GRM4: variants seen among roughly 807,000 people sequenced by gnomAD.
GRM4 encodes metabotropic glutamate receptor 4.
A neutral mutation model predicts 81.7 loss-of-function variants in GRM4; 28 were observed. That is an observed-to-expected ratio of 0.34 (90% CI 0.25 to 0.47). GRM4 has a LOEUF of 0.47. GRM4 is among the 20% of genes least tolerant of loss of function. The pLI is 1.00. For synonymous variants in GRM4, 488 were observed against 528.8 expected (o/e 0.92, Z 1.06); for missense variants, 948 against 1,290.0 (o/e 0.73, Z 4.06).
At chr6:34,025,786 C>G (rs1037056455) in intron 10 of GRM4, among the ~76,000 whole-genome samples, 8 of 152,184 alleles carry the variant, frequency 5.3e-5, no homozygotes, top group African/African-American at 1.7e-4. Context: ...TTCTCAGAGC[C>G]GAGAGTCTCT....
chr6:34,040,623 C>T lies in GRM4; in HGVS notation c.1294G>A (p.Val432Met), dbSNP rs566158040. ...GGGTCCATGCGCGGGCAGAGCCCCA[C>T]GCGGCCGGGACACAGGTCACGGTGC... is the stretch of plus-strand genomic sequence containing the variant. The part of the protein sequence containing the change: ...AMHRDLCPGR[V>M]GLCPRMDPVD... The change falls in exon 7 of 11, where the codon GTG becomes ATG. Residue 432 changes from valine (V) to methionine (M), a missense_variant. Physicochemically the swap from Val to Met is conservative, Grantham distance 21 (BLOSUM62 1). Coordinates refer to ENST00000538487, the MANE Select transcript of GRM4 (RefSeq NM_000841.4). 71 of 1,614,028 alleles carry T rather than the reference C, an allele frequency of 4.4e-5. No homozygotes were observed. Among genetic ancestry groups the T allele is most frequent in the Non-Finnish European group, 5.8e-5 (68 of 1,180,000 alleles).
intron 9 of GRM4, among the ~76,000 whole-genome samples, chr6:34,032,861 G>C (rs1488601104): frequency 6.6e-6 from 1 of 152,144 alleles, no homozygotes; most frequent in East Asian, 1.9e-4. Flanking sequence ...CTGCTGGCAG[G>C]CAGCCAGGGG....
intron 3 of GRM4, chr6:34,091,611 C>T (rs1768219033): frequency 6.0e-6 from 3 of 498,144 alleles, no homozygotes; most frequent in South Asian, 5.4e-5. Context: ...GCGGCCGCCC[C>T]GCAGGCTCCT....
chr6:34,133,016 C>T lies in GRM4; in HGVS notation c.481G>A (p.Val161Ile). 6.2e-7 allele frequency: 1 copy of T among 1,612,174 alleles called. No individual in the cohort carries two copies. Among genetic ancestry groups the T allele is most frequent in the Non-Finnish European group, 8.5e-7 (1 of 1,178,984 alleles). ...VGVIGASGSS[V>I]SIMVANILRL... is the part of the protein sequence containing the mutation. ...AGGATGTTGGCCACCATGATGGAGACCGAGCTCCCTGAAGCACCGATGACA... is the reference window on the plus strand; with the variant it reads ...AGGATGTTGGCCACCATGATGGAGATCGAGCTCCCTGAAGCACCGATGACA... The change falls in exon 2 of 11, where the codon GTC becomes ATC. Residue 161 changes from valine to isoleucine, a missense_variant. Val to Ile is a conservative substitution (Grantham distance 29). Coordinates refer to ENST00000538487, the MANE Select transcript of GRM4 (RefSeq NM_000841.4). The surrounding 1 kb of genome is among the most constrained non-coding windows in gnomAD (Gnocchi z 6.5).
chr6:34,026,096 C>T (rs1204900592), intron 10 of GRM4, among the ~76,000 whole-genome samples: 2 of 152,178 alleles, frequency 1.3e-5, no homozygotes, highest in African/African-American at 4.8e-5. Context: ...AGCTGACAGT[C>T]CCCGTTTGTC....
chr6:34,035,868 T>C lies in GRM4; in HGVS notation c.2242A>G (p.Ile748Val). The C allele has an allele frequency of 6.2e-7, 1 of 1,610,786 alleles. No individual in the cohort carries two copies. Among genetic ancestry groups the C allele is most frequent in the Non-Finnish European group, 8.5e-7 (1 of 1,177,268 alleles). ...RFARGVLKCDISDLSLICLLG... is the reference protein window; with the variant it reads ...RFARGVLKCDVSDLSLICLLG... ...AGGCAGATGAGCGACAGGTCCGAGA[T>C]GTCACACTTGAGCACACCCCTGGCG... Residue 748 changes from isoleucine to valine, a missense_variant, in exon 9 of 11, where the codon ATC becomes GTC. By Grantham distance (29) the Ile-to-Val change is conservative. Transcript: ENST00000538487. The surrounding 1 kb of genome is among the most constrained non-coding windows in gnomAD (Gnocchi z 6.6).
rs2127468496 is a variant in GRM4 at position 34,070,511 on chromosome 6, G to GAGGGCCCAGTGTA, written c.737-8496_737-8484dup. Among the ~76,000 whole-genome samples the GAGGGCCCAGTGTA allele has an allele frequency of 6.6e-6, 1 of 152,152 alleles. No homozygotes were observed. The highest frequency in any genetic ancestry group is 2.1e-4 in the South Asian group (1 of 4,824). Reference sequence around the variant, plus strand: ...AAACTCCACCCGATAGGGCTAGTGTGAGGGCCCAGTGTAGTGGTGTTTGTG... The same window carrying GAGGGCCCAGTGTA: ...AAACTCCACCCGATAGGGCTAGTGTGAGGGCCCAGTGTAAGGGCCCAGTGTAGTGGTGTTTGTG... On this transcript the variant is annotated intron_variant, in intron 3 of 10. Coordinates refer to ENST00000538487, the MANE Select transcript of GRM4 (RefSeq NM_000841.4). This position sits in a 1 kb window ranked among gnomAD's most constrained non-coding sequence, Gnocchi z 4.6.
intron 2 of GRM4, among the ~76,000 whole-genome samples, chr6:34,102,941 C>T (rs1768915921): frequency 6.6e-6 from 1 of 152,240 alleles, no homozygotes; most frequent in African/African-American, 2.4e-5. Context: ...AAGCCAGTGG[C>T]GTCACTCTGC....
At chr6:34,085,608 G>A (rs1767842233) in intron 3 of GRM4, among the ~76,000 whole-genome samples, 1 of 152,210 alleles carries the variant, frequency 6.6e-6, no homozygotes. Flanking sequence ...GAAGAAGTGA[G>A]TAGTTGGGGG....
At chr6:34,117,733 G>A (rs1015338405) in intron 2 of GRM4, among the ~76,000 whole-genome samples, 4 of 152,112 alleles carry the variant, frequency 2.6e-5, no homozygotes, top group Non-Finnish European at 4.4e-5. Flanking sequence ...GCTCACCTGA[G>A]CACCTGTCTT....
chr6:34,117,499 C>G (rs1335781642), intron 2 of GRM4, among the ~76,000 whole-genome samples: 1 of 152,216 alleles, frequency 6.6e-6, no homozygotes, highest in African/African-American at 2.4e-5. Flanking sequence ...TCCCTGCCCA[C>G]CCACTACCTC....
intron 1 of GRM4, among the ~76,000 whole-genome samples, chr6:34,151,383 G>C (rs182353127): frequency 6.6e-6 from 1 of 152,086 alleles, no homozygotes; most frequent in South Asian, 2.1e-4. Context: ...TCTTTGCCTC[G>C]CTGCAATTTA....
chr6:34,091,858 C>T lies in GRM4; in HGVS notation c.736+25G>A, dbSNP rs1768236689. 3 of 1,547,170 alleles carry T rather than the reference C, an allele frequency of 1.9e-6. No individual in the cohort carries two copies. The African/African-American group carries it at 4.1e-5, about 21-fold the overall frequency. On this transcript the variant is annotated intron_variant, in intron 3 of 10. Transcript: ENST00000538487. The stretch of plus-strand genomic sequence containing the variant: ...CGGGACACCCCCGAGCCTGGCATGA[C>T]TCTGCGGCCAGGCGTTTGACTCACC...
At chr6:34,023,902 C>T (rs900399685) in intron 10 of GRM4, among the ~76,000 whole-genome samples, 7 of 152,186 alleles carry the variant, frequency 4.6e-5, no homozygotes, top group Admixed American at 2.6e-4. Flanking sequence ...GCCTGGGAGC[C>T]GCCTCAGTGG....
At chr6:34,066,731 T>G (rs1249287435) in intron 3 of GRM4, among the ~76,000 whole-genome samples, 2 of 152,072 alleles carry the variant, frequency 1.3e-5, no homozygotes, top group African/African-American at 2.4e-5. Context: ...AATCCATGTT[T>G]TATTTCTTTA....
upstream of GRM4, among the ~76,000 whole-genome samples, chr6:34,146,831 G>A (rs1770945308): frequency 6.6e-6 from 1 of 152,210 alleles, no homozygotes. Context: ...AATTAGGTGA[G>A]GGGAATGTCT....
At chr6:34,129,115 A>G (rs1770139383) in intron 2 of GRM4, among the ~76,000 whole-genome samples, 1 of 151,976 alleles carries the variant, frequency 6.6e-6, no homozygotes, top group African/African-American at 2.4e-5. Flanking sequence ...CCCGGGCTCA[A>G]GTGATTCTCC....
intron 10 of GRM4, among the ~76,000 whole-genome samples, chr6:34,027,663 A>T (rs1296390674): frequency 6.6e-6 from 1 of 152,150 alleles, no homozygotes; most frequent in African/African-American, 2.4e-5. Flanking sequence ...CCGGGTTACC[A>T]AAGGGCCAGT....
chr6:34,145,460 G>A (rs1294367332), intron 1 of GRM4, among the ~76,000 whole-genome samples: 3 of 152,246 alleles, frequency 2.0e-5, no homozygotes, highest in Non-Finnish European at 2.9e-5. Context: ...AGAGCTCCGG[G>A]CTGGGAAGGG....
Sources: gnomAD v4.1 joint callset for allele counts (sites outside exome capture counted in the v4.1 genomes callset) on GRCh38, gnomAD v4.1.1 for gene constraint, Gnocchi (gnomAD v3.1) non-coding constraint, MANE v1.5 for transcripts, NCBI Gene and HGNC (gene_info 2026-07-23, HGNC 2026-07-21) for gene names.